The following LYN variants were observed in gnomAD, a reference collection of about 807,000 sequenced individuals.
The protein encoded by LYN is LYN proto-oncogene, Src family tyrosine kinase.
LYN carries 12 observed loss-of-function variants against 65.0 expected under a neutral mutation model. That is an observed-to-expected ratio of 0.18 (90% CI 0.12 to 0.30). The LOEUF is 0.30. Ranked by LOEUF, LYN falls within the 10% of genes least tolerant of loss-of-function variation. LYN has a pLI of 1.00. For missense variants in LYN, 380 were observed against 623.2 expected (o/e 0.61, Z 4.16); for synonymous variants, 222 against 221.2 (o/e 1.00, Z -0.03).
intron 9 of LYN, among the ~76,000 whole-genome samples, chr8:55,967,944 A>C (rs1031378315): frequency 2.6e-5 from 4 of 152,258 alleles, no homozygotes; most frequent in South Asian, 2.1e-4. Flanking sequence ...CATCTCATGC[A>C]CAATGGAGAT....
At chr8:56,004,442 C>T (rs1171596908) in intron 12 of LYN, among the ~76,000 whole-genome samples, 1 of 151,100 alleles carries the variant, frequency 6.6e-6, no homozygotes, top group African/African-American at 2.4e-5. Context: ...TACAGGTGTG[C>T]ACCACAATGC....
At position 55,979,075 on chromosome 8, in the gene LYN, A is replaced by T. The variant is rs11987458; in HGVS notation, c.1050+9282A>T. 8.4e-3 allele frequency among the ~76,000 whole-genome samples: 720 copies of T among 85,286 alleles called. 8 individuals carry two copies. Among genetic ancestry groups the T allele is most frequent in the African/African-American group, 0.033 (692 of 21,236 alleles). 56.0% of individuals were successfully genotyped at this position (85,286 alleles called of 152,430 possible). ...CTTTTTTTTTTTTTTTTTTTTTGAG[A>T]TGGAGTTTTGCTCTTGTCACCCACG... On this transcript the variant is annotated intron_variant, in intron 10 of 12. Coordinates refer to ENST00000519728, the MANE Select transcript of LYN (RefSeq NM_002350.4).
At chr8:55,952,147 G>A (rs1405674781) in intron 7 of LYN, 32 bp downstream of exon 7, 5 of 1,544,060 alleles carry the variant, frequency 3.2e-6, no homozygotes, top group Non-Finnish European at 3.5e-6. Context: ...AACAAGACAA[G>A]ATATATTTGT....
At chr8:55,983,954 G>A (rs907854083) in intron 10 of LYN, among the ~76,000 whole-genome samples, 4 of 152,192 alleles carry the variant, frequency 2.6e-5, no homozygotes, top group African/African-American at 9.7e-5. Context: ...GGTATAGGCA[G>A]GGCTGTGCTT....
chr8:55,998,142 G>A (rs4738466), intron 10 of LYN, among the ~76,000 whole-genome samples: 134,219 of 151,590 alleles, frequency 0.89, 59,642 homozygotes, highest in East Asian at 0.97. Context: ...GATGACCATT[G>A]TTGGAGATTT....
chr8:55,913,018 GAT>G (rs2130414870), intron 1 of LYN, among the ~76,000 whole-genome samples: 1 of 152,274 alleles, frequency 6.6e-6, no homozygotes, highest in South Asian at 2.1e-4. Flanking sequence ...AATGACAAGT[GAT>G]GTAATAGAGT....
chr8:55,900,611 C>A (rs1019038539), intron 1 of LYN, among the ~76,000 whole-genome samples: 2 of 150,518 alleles, frequency 1.3e-5, no homozygotes, highest in African/African-American at 4.9e-5. Flanking sequence ...AAACTCGTGG[C>A]CTCAAATGGT....
intron 10 of LYN, among the ~76,000 whole-genome samples, chr8:55,975,073 A>T (rs1049517659): frequency 4.6e-5 from 7 of 152,212 alleles, no homozygotes; most frequent in African/African-American, 1.7e-4. Context: ...CCAGCACTGA[A>T]GAAGGCATTC....
At chr8:55,904,682 G>A (rs1327628760) in intron 1 of LYN, among the ~76,000 whole-genome samples, 1 of 151,976 alleles carries the variant, frequency 6.6e-6, no homozygotes, top group Non-Finnish European at 1.5e-5. Context: ...CCCGGGAGGT[G>A]GAGTTTGCAG....
At chr8:55,960,043 A>G (rs890231987) in intron 8 of LYN, among the ~76,000 whole-genome samples, 1 of 152,214 alleles carries the variant, frequency 6.6e-6, no homozygotes, top group Non-Finnish European at 1.5e-5. Context: ...ACTGCTAATG[A>G]GCATGGGATT....
intron 2 of LYN, among the ~76,000 whole-genome samples, chr8:55,945,215 A>G (rs1806739056): frequency 6.6e-6 from 1 of 152,242 alleles, no homozygotes; most frequent in African/African-American, 2.4e-5. Flanking sequence ...TCGGTCTTAT[A>G]AAAAGCATAT....
intron 9 of LYN, 29 bp downstream of exon 9, chr8:55,966,926 C>A: frequency 6.3e-7 from 1 of 1,592,004 alleles, no homozygotes; most frequent in Non-Finnish European, 8.6e-7. Context: ...CCAGAGCTTG[C>A]AAGGGCTTCA....
At chr8:55,884,093 G>A (rs1166396627) in intron 1 of LYN, among the ~76,000 whole-genome samples, 1 of 152,140 alleles carries the variant, frequency 6.6e-6, no homozygotes, top group African/African-American at 2.4e-5. Context: ...TTTTGTTGTT[G>A]TTGTTTTGTT....
intron 1 of LYN, among the ~76,000 whole-genome samples, chr8:55,917,662 G>GCCCT (rs1041875658): frequency 6.6e-6 from 1 of 152,196 alleles, no homozygotes; most frequent in African/African-American, 2.4e-5. Context: ...TGGAGACAGG[G>GCCCT]CCCTGCCTTT....
chr8:55,972,626 A>G (rs1300434171), intron 10 of LYN, among the ~76,000 whole-genome samples: 2 of 152,192 alleles, frequency 1.3e-5, no homozygotes, highest in Non-Finnish European at 2.9e-5. Flanking sequence ...GTCTGTGCCA[A>G]GAAGGCCATC....
At chr8:55,937,451 T>C (rs1053815501) in intron 1 of LYN, among the ~76,000 whole-genome samples, 3 of 152,206 alleles carry the variant, frequency 2.0e-5, no homozygotes, top group African/African-American at 7.2e-5. Flanking sequence ...CCACTCATAA[T>C]GTGTCACTTT....
intron 10 of LYN, among the ~76,000 whole-genome samples, chr8:55,972,635 T>C (rs567769479): frequency 1.3e-5 from 2 of 152,324 alleles, no homozygotes; most frequent in Admixed American, 1.3e-4. Context: ...AAGAAGGCCA[T>C]CTCTGCATTA....
chr8:55,981,501 C>T (rs1807921263), intron 10 of LYN, among the ~76,000 whole-genome samples: 2 of 152,124 alleles, frequency 1.3e-5, no homozygotes, highest in African/African-American at 2.4e-5. Flanking sequence ...ACTAGAAGAA[C>T]ATATTTTTTG....
At chr8:55,984,974 G>A (rs1308429608) in intron 10 of LYN, among the ~76,000 whole-genome samples, 2 of 152,194 alleles carry the variant, frequency 1.3e-5, no homozygotes, top group Non-Finnish European at 2.9e-5. Context: ...AGGTGTCTAG[G>A]TAGGTCCCTC....
Sources: allele counts gnomAD v4.1 joint callset (sites outside exome capture counted in the v4.1 genomes callset), GRCh38; gene constraint gnomAD v4.1.1; transcripts MANE v1.5; gene names NCBI Gene and HGNC (gene_info 2026-07-23, HGNC 2026-07-21).